Variants in TTYH3 observed in about 807,000 individuals in gnomAD.
TTYH3 encodes the protein protein tweety homolog 3.
Under a neutral mutation model 68.2 loss-of-function variants are expected in TTYH3, and 23 were observed. The ratio of observed to expected loss-of-function variants is 0.34; its 90% confidence interval spans 0.24 to 0.48. The LOEUF is 0.48. TTYH3 is among the 20% of genes least tolerant of loss of function. The pLI is 0.99. For missense variants in TTYH3, 768 were observed against 727.7 expected, an observed-to-expected ratio of 1.06 and a Z score of -0.64; for synonymous variants, 360 against 332.8, an observed-to-expected ratio of 1.08 and a Z score of -0.89.
intron 1 of TTYH3, among the ~76,000 whole-genome samples, chr7:2,640,338 G>A (rs567055368): frequency 4.5e-4 from 68 of 152,308 alleles, no homozygotes; most frequent in African/African-American, 1.3e-3. Flanking sequence ...GGTCCGTGGC[G>A]CAGGGTAGCG....
At chr7:2,637,787 C>T (rs1785719735) in intron 1 of TTYH3, among the ~76,000 whole-genome samples, 1 of 152,116 alleles carries the variant, frequency 6.6e-6, no homozygotes, top group Admixed American at 6.5e-5. Context: ...GCAGGGAGCC[C>T]ACCCAGGCCC....
At chr7:2,650,103 A>T in intron 7 of TTYH3, 115 bp downstream of exon 7, 1 of 1,050,844 alleles carries the variant, frequency 9.5e-7, no homozygotes, top group Non-Finnish European at 1.4e-6. Context: ...GGTCTCAGGG[A>T]GACAGGTCCC....
In TTYH3 at chr7:2,647,943, C is replaced by G. The variant is rs1245281051; in HGVS notation, c.627-16C>G. The G allele has an allele frequency of 1.2e-6, 2 of 1,605,196 alleles. No homozygotes were observed. The highest frequency in any genetic ancestry group is 1.3e-5 in the African/African-American group (1 of 75,052). On this transcript the variant is annotated splice_polypyrimidine_tract_variant and intron_variant, in intron 4 of 13. Coordinates refer to ENST00000258796, the MANE Select transcript of TTYH3 (RefSeq NM_025250.3). Reference sequence around the variant, plus strand: ...CGGGTCCCTGTGCCCTGGCGCACTCCCAGGTTTGCCTGCAGGTGGCTGGGC... The same window carrying G: ...CGGGTCCCTGTGCCCTGGCGCACTCGCAGGTTTGCCTGCAGGTGGCTGGGC...
chr7:2,656,079 G>A lies in TTYH3; in HGVS notation c.1021-13G>A. ...AAATGAAGTGCTGACCATCTGCGGT[G>A]CGTGCCCCCCAGGACCCCCTCCTCC... is the stretch of plus-strand genomic sequence containing the variant. On this transcript the variant is annotated splice_polypyrimidine_tract_variant and intron_variant, in intron 9 of 13. Transcript: ENST00000258796. 1 of 1,532,558 alleles carries A rather than the reference G, an allele frequency of 6.5e-7. No individual in the cohort carries two copies. The highest frequency in any genetic ancestry group is 1.2e-5 in the South Asian group (1 of 83,394). The allele number at this position is 1,532,558 out of a possible 1,614,324, so 94.9% of individuals were successfully genotyped here.
rs1419713103 is a variant in TTYH3 at position 2,645,713 on chromosome 7, GCA to G, written c.124-1137_124-1136del. On this transcript the variant is annotated intron_variant, in intron 1 of 13. Transcript: ENST00000258796. The surrounding 1 kb of genome is among the most constrained non-coding windows in gnomAD (Gnocchi z 4.8). ...CCACCCCTGAGTGCAGCTTCTCGGT[GCA>G]CAGACCCCAGACAGGATCAGACTCC... 1 of 457,450 alleles carries G rather than the reference GCA, an allele frequency of 2.2e-6. No individual in the cohort carries two copies. Among genetic ancestry groups the G allele is most frequent in the Admixed American group, 2.5e-5 (1 of 40,600 alleles). 28.3% of individuals were successfully genotyped at this position (457,450 alleles called of 1,614,324 possible). A position where few individuals can be genotyped will look rare whatever the true frequency, so the allele number is the denominator to read the frequency against.
intron 9 of TTYH3, 44 bp from the exon 10 acceptor site, chr7:2,656,048 C>T (rs1786323456): frequency 1.4e-6 from 2 of 1,456,696 alleles, no homozygotes; most frequent in Non-Finnish European, 1.9e-6. Context: ...TCGAGGTCCC[C>T]CGTCCAAATG....
chr7:2,647,302 C>T, intron 3 of TTYH3, 49 bp downstream of exon 3: 1 of 1,533,862 alleles, frequency 6.5e-7, no homozygotes, highest in Non-Finnish European at 8.7e-7. Context: ...TGCTCCGGAG[C>T]CCCACGTCTG....
At chr7:2,653,462 C>T (rs1311835608) in intron 9 of TTYH3, among the ~76,000 whole-genome samples, 1 of 152,142 alleles carries the variant, frequency 6.6e-6, no homozygotes, top group Non-Finnish European at 1.5e-5. Context: ...GAATCAGATC[C>T]ATTCTCTGGG....
At chr7:2,653,585 T>A (rs1051562196) in intron 9 of TTYH3, among the ~76,000 whole-genome samples, 10 of 152,142 alleles carry the variant, frequency 6.6e-5, no homozygotes, top group Non-Finnish European at 1.3e-4. Context: ...AATAAAGGCC[T>A]GGCGCGGTGG....
intron 1 of TTYH3, among the ~76,000 whole-genome samples, chr7:2,639,775 GC>G (rs1785784238): frequency 6.6e-6 from 1 of 152,202 alleles, no homozygotes; most frequent in Non-Finnish European, 1.5e-5. Context: ...CCTCTGTGGA[GC>G]CTGTCCCTTT....
At chr7:2,653,088 A>G in intron 9 of TTYH3, 78 bp downstream of exon 9, 1 of 1,389,256 alleles carries the variant, frequency 7.2e-7, no homozygotes, top group African/African-American at 1.4e-5. Context: ...TGGTGCAAAC[A>G]CAGCTCAGGG....
intron 1 of TTYH3, among the ~76,000 whole-genome samples, chr7:2,642,682 C>T (rs982261465): frequency 4.0e-5 from 6 of 151,072 alleles, no homozygotes; most frequent in Admixed American, 1.3e-4. Flanking sequence ...GAGTGGTGAT[C>T]GTGCCACTGC....
chr7:2,636,873 G>C (rs1179975952), intron 1 of TTYH3, among the ~76,000 whole-genome samples: 1 of 152,170 alleles, frequency 6.6e-6, no homozygotes, highest in Non-Finnish European at 1.5e-5. Context: ...TGGGCTCCTG[G>C]TTTTTGTGGT....
chr7:2,636,581 G>C (rs1161138868), intron 1 of TTYH3, among the ~76,000 whole-genome samples: 1 of 152,204 alleles, frequency 6.6e-6, no homozygotes, highest in African/African-American at 2.4e-5. Flanking sequence ...GGAAGCTTCA[G>C]GAGCAATCCC....
chr7:2,660,863 C>T (rs1479956091), intron 13 of TTYH3, among the ~76,000 whole-genome samples: 1 of 152,202 alleles, frequency 6.6e-6, no homozygotes, highest in Non-Finnish European at 1.5e-5. Context: ...TTGGCCTCAG[C>T]ACATGCCTCG....
chr7:2,649,635 C>T lies in TTYH3; in HGVS notation c.791C>T (p.Ser264Phe). ...GCGCTGGGCTTGGAGCTGGCTGTGT[C>T]CGTGGTGAGTGGCAGAGGGGGTGAG... ...WGALGLELAV[S>F]VGSSDFCVDP... The change falls in exon 6 of 14, where the codon TCC becomes TTC. Residue 264 changes from serine (S) to phenylalanine (F), a missense_variant. Coordinates refer to ENST00000258796, the MANE Select transcript of TTYH3 (RefSeq NM_025250.3). The T allele has an allele frequency of 6.3e-7, 1 of 1,598,696 alleles. No individual in the cohort carries two copies. The highest frequency in any genetic ancestry group is 1.1e-5 in the South Asian group (1 of 89,664).
intron 1 of TTYH3, among the ~76,000 whole-genome samples, chr7:2,632,781 G>A (rs1021105825): frequency 2.6e-5 from 4 of 152,234 alleles, no homozygotes; most frequent in African/African-American, 7.2e-5. Context: ...ACTCACCCCC[G>A]ACTGGGGAAT....
intron 4 of TTYH3, 87 bp downstream of exon 4, chr7:2,647,725 T>C: frequency 7.3e-7 from 1 of 1,368,600 alleles, no homozygotes; most frequent in Non-Finnish European, 1.0e-6. Flanking sequence ...ACCTAGTACA[T>C]GAGGCCTGAT....
At chr7:2,634,884 G>A (rs1785617053) in intron 1 of TTYH3, among the ~76,000 whole-genome samples, 1 of 152,166 alleles carries the variant, frequency 6.6e-6, no homozygotes, top group East Asian at 1.9e-4. Flanking sequence ...GAGGAGCCGG[G>A]GTCAGCCTGG....
Sources: allele counts gnomAD v4.1 joint callset (sites outside exome capture counted in the v4.1 genomes callset), GRCh38; gene constraint gnomAD v4.1.1; non-coding constraint Gnocchi (gnomAD v3.1); transcripts MANE v1.5; gene names NCBI Gene and HGNC (gene_info 2026-07-23, HGNC 2026-07-21).